DNAH14: variants seen among roughly 807,000 people sequenced by gnomAD.
DNAH14 encodes dynein axonemal heavy chain 14.
Under a neutral mutation model 520.9 loss-of-function variants are expected in DNAH14, and 478 were observed. That is an observed-to-expected ratio of 0.92 (90% CI 0.85 to 0.99). DNAH14 has a LOEUF of 0.99. Ranked by LOEUF, DNAH14 falls within the 50% of genes least tolerant of loss-of-function variation. The pLI is 0.00. For missense variants in DNAH14, 4,831 were observed against 5,234.5 expected, an observed-to-expected ratio of 0.92 and a Z score of 2.38; for synonymous variants, 1,581 against 1,757.2, an observed-to-expected ratio of 0.90 and a Z score of 2.51.
chr1:225,045,628 T>A (rs894667909), intron 15 of DNAH14, among the ~76,000 whole-genome samples: 5 of 152,162 alleles, frequency 3.3e-5, no homozygotes, highest in Non-Finnish European at 5.9e-5. Context: ...GATTGTCTGA[T>A]GTTGTCTCAT....
chr1:225,372,301 G>A lies in DNAH14; in HGVS notation c.12319-2387G>A, dbSNP rs2095628331. Among the ~76,000 whole-genome samples, 3 of 152,272 alleles carry A rather than the reference G, an allele frequency of 2.0e-5. No individual in the cohort carries two copies. In the South Asian group the frequency reaches 6.2e-4, roughly 32 times the overall value. ...GGAATGTACAAAAAAGAAAAATCCT[G>A]AAAGGGTCCTCCTTCACCAGATATC... is the stretch of plus-strand genomic sequence containing the variant. On this transcript the variant is annotated intron_variant, in intron 77 of 85. Coordinates refer to ENST00000682510, the MANE Select transcript of DNAH14 (RefSeq NM_001367479.1).
intron 55 of DNAH14, among the ~76,000 whole-genome samples, chr1:225,291,668 G>A (rs2093894875): frequency 6.6e-6 from 1 of 151,966 alleles, no homozygotes; most frequent in African/African-American, 2.4e-5. Context: ...TGCCATAATG[G>A]CTGTACTAGA....
chr1:224,945,281 G>A (rs1462487903), intron 1 of DNAH14, among the ~76,000 whole-genome samples: 4 of 151,808 alleles, frequency 2.6e-5, no homozygotes, highest in African/African-American at 7.3e-5. Flanking sequence ...CCAGTTGATC[G>A]AATCGGCTAC....
chr1:225,063,109 G>A (rs923895448), intron 17 of DNAH14, among the ~76,000 whole-genome samples: 1 of 126,652 alleles, frequency 7.9e-6, no homozygotes, highest in Non-Finnish European at 1.8e-5. Context: ...GAACATAACA[G>A]ACAAATGAAA....
chr1:225,002,750 G>A lies in DNAH14; in HGVS notation c.831-33G>A, dbSNP rs552043156. The A allele has an allele frequency of 1.6e-5, 25 of 1,531,468 alleles. No homozygotes were observed. The East Asian group carries it at 5.7e-4, about 35-fold the overall frequency. The allele number at this position is 1,531,468 out of a possible 1,614,324, so 94.9% of individuals were successfully genotyped here. A position where few individuals can be genotyped will look rare whatever the true frequency, so the allele number is the denominator to read the frequency against. The stretch of plus-strand genomic sequence containing the variant: ...AATTAATTTTATTCATTTTGAATGA[G>A]AGATATATCTGTAGAAATTTTTTAA... On this transcript the variant is annotated intron_variant, in intron 8 of 85. Coordinates refer to ENST00000682510, the MANE Select transcript of DNAH14 (RefSeq NM_001367479.1).
At chr1:225,340,057 A>ATT (rs11399517) in intron 68 of DNAH14, among the ~76,000 whole-genome samples, 2 of 151,538 alleles carry the variant, frequency 1.3e-5, no homozygotes, top group African/African-American at 2.4e-5. Flanking sequence ...AGCTATTGAA[A>ATT]TTTTTTTTTA....
intron 41 of DNAH14, among the ~76,000 whole-genome samples, chr1:225,208,828 A>G (rs2087946564): frequency 1.3e-5 from 2 of 151,928 alleles, no homozygotes; most frequent in South Asian, 4.1e-4. Flanking sequence ...ATTTCTATTG[A>G]CTTGTCCTCC....
rs1032177666 is a variant in DNAH14 at position 225,066,418 on chromosome 1, A to G, written c.2425-12789A>G. The stretch of plus-strand genomic sequence containing the variant: ...CCAAGAAATCATTTTTTAGGCCAAC[A>G]TCATGGAGCTTTGCCCCTGTCTTCT... On this transcript the variant is annotated intron_variant, in intron 17 of 85. Coordinates refer to ENST00000682510, the MANE Select transcript of DNAH14 (RefSeq NM_001367479.1). 2.6e-5 allele frequency among the ~76,000 whole-genome samples: 4 copies of G among 152,198 alleles called. No homozygotes were observed. In the East Asian group the frequency reaches 7.7e-4, roughly 29 times the overall value.
At chr1:225,006,818 C>T (rs899169602) in intron 9 of DNAH14, among the ~76,000 whole-genome samples, 1 of 152,124 alleles carries the variant, frequency 6.6e-6, no homozygotes, top group African/African-American at 2.4e-5. Context: ...GTGACCCACT[C>T]CCTATTCGTA....
At chr1:225,021,558 C>T (rs1218077453) in intron 10 of DNAH14, among the ~76,000 whole-genome samples, 1 of 151,904 alleles carries the variant, frequency 6.6e-6, no homozygotes, top group Non-Finnish European at 1.5e-5. Flanking sequence ...AATAAAATAT[C>T]TAGGAATACA....
At chr1:225,208,149 A>G (rs1002243604) in intron 41 of DNAH14, among the ~76,000 whole-genome samples, 1 of 152,144 alleles carries the variant, frequency 6.6e-6, no homozygotes, top group African/African-American at 2.4e-5. Context: ...TTGTTAACAC[A>G]CAAGTGACCT....
At chr1:225,020,208 A>AG (rs2065553918) in intron 10 of DNAH14, among the ~76,000 whole-genome samples, 1 of 152,018 alleles carries the variant, frequency 6.6e-6, no homozygotes, top group Non-Finnish European at 1.5e-5. Flanking sequence ...ATACAAAAAA[A>AG]AATCTCAGCC....
intron 19 of DNAH14, among the ~76,000 whole-genome samples, chr1:225,082,057 G>C (rs904052886): frequency 6.6e-5 from 10 of 151,956 alleles, no homozygotes; most frequent in Admixed American, 5.9e-4. Context: ...GATCATTCGA[G>C]GCCAGGAGTT....
chr1:225,209,041 A>T (rs992789642), intron 41 of DNAH14, among the ~76,000 whole-genome samples: 2 of 152,128 alleles, frequency 1.3e-5, no homozygotes, highest in Non-Finnish European at 2.9e-5. Context: ...ATAGTTTTTT[A>T]AAAAAATTCC....
intron 36 of DNAH14, among the ~76,000 whole-genome samples, chr1:225,180,842 A>C (rs868823096): frequency 9.2e-5 from 14 of 152,334 alleles, no homozygotes; most frequent in Middle Eastern, 3.4e-3. Flanking sequence ...TTTTTATACT[A>C]GACTTACAGC....
chr1:225,324,490 A>C lies in DNAH14; in HGVS notation c.9627+137A>C, dbSNP rs994466010. The C allele has an allele frequency of 4.1e-6, 5 of 1,212,662 alleles. No homozygotes were observed. The African/African-American group carries it at 7.7e-5, about 19-fold the overall frequency. 75.1% of individuals were successfully genotyped at this position (1,212,662 alleles called of 1,614,324 possible). ...AGGAGAAACACTTTAATCAAATGTTATTCTAACTCACACAGATGTCAAGTG... is the reference window on the plus strand; with the variant it reads ...AGGAGAAACACTTTAATCAAATGTTCTTCTAACTCACACAGATGTCAAGTG... On this transcript the variant is annotated intron_variant, in intron 63 of 85. Transcript: ENST00000682510.
rs192404169 is a variant in DNAH14 at position 225,208,394 on chromosome 1, A to G, written c.6439+1174A>G. ...ATGCTGGATTGGTTAGCTGTATAAC[A>G]GATTAGTGAGAGCCATAACAACAGT... On this transcript the variant is annotated intron_variant, in intron 41 of 85. Transcript: ENST00000682510. 9.2e-5 allele frequency among the ~76,000 whole-genome samples: 14 copies of G among 152,348 alleles called. No individual in the cohort carries two copies. In the East Asian group the frequency reaches 2.7e-3, roughly 29 times the overall value.
chr1:224,991,197 C>T (rs1233847813), intron 8 of DNAH14, among the ~76,000 whole-genome samples: 1 of 143,416 alleles, frequency 7.0e-6, no homozygotes, highest in African/African-American at 2.6e-5. Flanking sequence ...TGGGTTCAAG[C>T]GATTCTCCTG....
intron 19 of DNAH14, among the ~76,000 whole-genome samples, chr1:225,082,344 A>T (rs1245162675): frequency 1.3e-5 from 2 of 152,068 alleles, no homozygotes; most frequent in East Asian, 3.9e-4. Flanking sequence ...CCTTATAACT[A>T]TTTCTCTTAT....
Sources: allele counts gnomAD v4.1 joint callset (sites outside exome capture counted in the v4.1 genomes callset), GRCh38; gene constraint gnomAD v4.1.1; transcripts MANE v1.5; gene names NCBI Gene and HGNC (gene_info 2026-07-23, HGNC 2026-07-21).